TTLL5: variants seen among roughly 807,000 people sequenced by gnomAD.
TTLL5 encodes the protein tubulin tyrosine ligase like 5.
Under a neutral mutation model 168.4 loss-of-function variants are expected in TTLL5, and 132 were observed. The observed-to-expected ratio is 0.78, with a 90% CI of 0.68 to 0.91. TTLL5 has a LOEUF of 0.91. Among genes scored for constraint, TTLL5 ranks in the 40% least tolerant of loss-of-function variants. The pLI, the probability that TTLL5 is intolerant of heterozygous loss-of-function variation, is 0.00. For synonymous variants in TTLL5, 546 were observed against 558.6 expected, an observed-to-expected ratio of 0.98 and a Z score of 0.32; for missense variants, 1,545 against 1,581.5, an observed-to-expected ratio of 0.98 and a Z score of 0.39.
chr14:75,873,136 C>A (rs2031184557), intron 29 of TTLL5, among the ~76,000 whole-genome samples: 1 of 147,744 alleles, frequency 6.8e-6, no homozygotes, highest in Non-Finnish European at 1.5e-5. Context: ...TGCAGTGGCT[C>A]AATCTCGGCT....
intron 27 of TTLL5, chr14:75,818,476 A>G: frequency 2.6e-6 from 1 of 389,734 alleles, no homozygotes; most frequent in South Asian, 1.8e-5. Context: ...CTATATCATT[A>G]TTTTTCTTTT....
chr14:75,680,585 A>T (rs1884521662), intron 3 of TTLL5, among the ~76,000 whole-genome samples: 1 of 147,204 alleles, frequency 6.8e-6, no homozygotes, highest in South Asian at 2.2e-4. Flanking sequence ...AATCAGCATT[A>T]TAGGATACAG....
intron 7 of TTLL5, among the ~76,000 whole-genome samples, chr14:75,704,750 TTTC>T (rs1291865466): frequency 6.6e-6 from 1 of 152,232 alleles, no homozygotes; most frequent in Non-Finnish European, 1.5e-5. Flanking sequence ...AAACCTTTCT[TTTC>T]TTCTGGGAGT....
chr14:75,954,445 G>T lies in TTLL5; in HGVS notation c.3845G>T (p.Ter1282LeuextTer30), dbSNP rs2035054922. 1 of 1,613,748 alleles carries T rather than the reference G, an allele frequency of 6.2e-7. No homozygotes were observed. The highest frequency in any genetic ancestry group is 1.3e-5 in the African/African-American group (1 of 74,832). ...TCAGATCCTGCTCACACTAAAATAT[G>T]AACCACAAACACACAGAGAAACAAC... Reference protein sequence around the residue: ...SSTDPAHTKI* With the variant: ...SSTDPAHTKIL The change falls in exon 32 of 32, where the codon TGA becomes TTA. Residue 1282 changes from the stop codon to leucine (L), a stop_lost. Transcript: ENST00000298832.
intron 13 of TTLL5, 144 bp from the exon 14 acceptor site, chr14:75,733,845 C>T (rs1888713625): frequency 2.8e-6 from 2 of 704,402 alleles, no homozygotes; most frequent in South Asian, 1.9e-5. Context: ...ATTTTTCCCC[C>T]ACCGCCCCCG....
chr14:75,950,419 C>T (rs1167487469), intron 31 of TTLL5, among the ~76,000 whole-genome samples: 1 of 152,140 alleles, frequency 6.6e-6, no homozygotes, highest in Non-Finnish European at 1.5e-5. Context: ...TAAATTTGAC[C>T]TGGTTAAAAT....
intron 12 of TTLL5, among the ~76,000 whole-genome samples, chr14:75,725,928 C>T (rs1594931438): frequency 6.6e-6 from 1 of 152,170 alleles, no homozygotes; most frequent in South Asian, 2.1e-4. Context: ...TTCCAAAATT[C>T]TCCTTCTGGA....
intron 31 of TTLL5, among the ~76,000 whole-genome samples, chr14:75,953,227 T>C (rs1319802117): frequency 6.6e-6 from 1 of 152,192 alleles, no homozygotes; most frequent in East Asian, 1.9e-4. Context: ...TTCACAGAAA[T>C]TGTAAACTGA....
chr14:75,794,176 A>G (rs1313059806), intron 27 of TTLL5, among the ~76,000 whole-genome samples: 1 of 152,202 alleles, frequency 6.6e-6, no homozygotes, highest in East Asian at 1.9e-4. Context: ...AAGAAGGCCT[A>G]ATGTGAAATA....
intron 17 of TTLL5, among the ~76,000 whole-genome samples, chr14:75,750,754 T>C (rs1040705604): frequency 6.6e-6 from 1 of 152,208 alleles, no homozygotes; most frequent in Non-Finnish European, 1.5e-5. Flanking sequence ...TTACTATATA[T>C]GTACCCATGA....
chr14:75,681,445 A>G lies in TTLL5; in HGVS notation c.182-100A>G, dbSNP rs574151007. The G allele has an allele frequency of 2.4e-4, 212 of 874,660 alleles. No homozygotes were observed. In the African/African-American group the frequency reaches 3.2e-3, roughly 13 times the overall value. The allele number at this position is 874,660 out of a possible 1,614,324, so 54.2% of individuals were successfully genotyped here. ...TATTTATAATCATTTTAATGGTAGC[A>G]TGTAATGTTATTGAGTATAATTAAG... On this transcript the variant is annotated intron_variant, in intron 3 of 31. Transcript: ENST00000298832.
chr14:75,812,395 G>A (rs1427163037), intron 27 of TTLL5, among the ~76,000 whole-genome samples: 1 of 152,204 alleles, frequency 6.6e-6, no homozygotes, highest in Non-Finnish European at 1.5e-5. Flanking sequence ...GGAACAAGTT[G>A]ACTGTTTTTA....
intron 4 of TTLL5, among the ~76,000 whole-genome samples, chr14:75,682,587 G>C (rs1594862549): frequency 6.6e-6 from 1 of 152,070 alleles, no homozygotes; most frequent in Non-Finnish European, 1.5e-5. Context: ...ACAGGTTCTT[G>C]AAAACCATGG....
At chr14:75,713,115 C>G (rs1430363184) in intron 9 of TTLL5, among the ~76,000 whole-genome samples, 2 of 152,178 alleles carry the variant, frequency 1.3e-5, no homozygotes, top group African/African-American at 4.8e-5. Context: ...AAATTTTGGT[C>G]TACATTAGGA....
At chr14:75,886,831 C>T in intron 30 of TTLL5, 1 of 1,552,218 alleles carries the variant, frequency 6.4e-7, no homozygotes, top group Non-Finnish European at 8.6e-7. Context: ...TTTTTCAGAG[C>T]CAGAATCATA....
chr14:75,952,424 T>C (rs2140224656), intron 31 of TTLL5, among the ~76,000 whole-genome samples: 1 of 152,340 alleles, frequency 6.6e-6, no homozygotes, highest in African/African-American at 2.4e-5. Context: ...GGATGTAAAA[T>C]GGCGTGACTG....
At chr14:75,908,879 C>T (rs1411398713) in intron 31 of TTLL5, among the ~76,000 whole-genome samples, 4 of 152,186 alleles carry the variant, frequency 2.6e-5, no homozygotes, top group Middle Eastern at 3.4e-3. Context: ...TGGGATCAAG[C>T]GATCCTCCCA....
chr14:75,813,194 C>CTGTGTGTGTGTGTGTGTG (rs61154954), intron 27 of TTLL5, among the ~76,000 whole-genome samples: 1 of 142,440 alleles, frequency 7.0e-6, no homozygotes, highest in African/African-American at 2.6e-5. Flanking sequence ...CTGGAACAAG[C>CTGTGTGTGTGTGTGTGTG]TGTGTGTGTG....
Position 75,885,997 on chromosome 14 carries a change from C to T in TTLL5, c.3740+3095C>T, listed in dbSNP as rs545638821. On this transcript the variant is annotated intron_variant, in intron 30 of 31. Coordinates refer to ENST00000298832, the MANE Select transcript of TTLL5 (RefSeq NM_015072.5). ...TTGGATCTTACTGTGGCCTTTACTC[C>T]GGCTCAGTTCAGATTAATCAGGAAC... Among the ~76,000 whole-genome samples, 23 of 152,216 alleles carry T rather than the reference C, an allele frequency of 1.5e-4. No individual in the cohort carries two copies. The East Asian group carries it at 2.1e-3, about 14-fold the overall frequency.
Sources: allele counts gnomAD v4.1 joint callset (sites outside exome capture counted in the v4.1 genomes callset), GRCh38; gene constraint gnomAD v4.1.1; transcripts MANE v1.5; gene names NCBI Gene and HGNC (gene_info 2026-07-23, HGNC 2026-07-21).